Variants in CMSS1 observed in about 807,000 individuals in gnomAD.
The protein encoded by CMSS1 is cms1 ribosomal small subunit homolog, also known as protein CMSS1.
Under a neutral mutation model 43.5 loss-of-function variants are expected in CMSS1, and 33 were observed. That is an observed-to-expected ratio of 0.76 (90% CI 0.57 to 1.01). The LOEUF (loss-of-function observed/expected upper bound fraction) is 1.01, where lower values mean the gene tolerates loss of function less well. CMSS1 is among the 50% of genes least tolerant of loss of function. The pLI, the probability that CMSS1 is intolerant of heterozygous loss-of-function variation, is 0.00. For missense variants in CMSS1, 313 were observed against 326.4 expected (o/e 0.96, Z 0.32); for synonymous variants, 115 against 117.2 (o/e 0.98, Z 0.12).
At chr3:99,866,497 A>G (rs1048823597) in intron 1 of CMSS1, among the ~76,000 whole-genome samples, 2 of 152,202 alleles carry the variant, frequency 1.3e-5, no homozygotes, top group Non-Finnish European at 2.9e-5. Flanking sequence ...CAGCCTGAAG[A>G]GTATAAAATG....
intron 1 of CMSS1, among the ~76,000 whole-genome samples, chr3:99,922,714 C>T (rs376661114): frequency 2.0e-5 from 3 of 152,232 alleles, no homozygotes; most frequent in South Asian, 4.2e-4. Context: ...CATATGGATG[C>T]TTATACTGTC....
intron 1 of CMSS1, among the ~76,000 whole-genome samples, chr3:100,043,777 TC>T (rs56688172): frequency 0.01 from 1,536 of 152,350 alleles, 24 homozygotes; most frequent in African/African-American, 0.035. Context: ...AGTTAACATA[TC>T]CATCACCTCA....
At chr3:99,967,400 G>A (rs963112924) in intron 1 of CMSS1, among the ~76,000 whole-genome samples, 1 of 152,182 alleles carries the variant, frequency 6.6e-6, no homozygotes, top group Non-Finnish European at 1.5e-5. Context: ...GTAAATAGAA[G>A]TGTTCACTTT....
chr3:99,825,580 G>C (rs1942521059), intron 1 of CMSS1, among the ~76,000 whole-genome samples: 3 of 152,114 alleles, frequency 2.0e-5, no homozygotes, highest in Admixed American at 6.5e-5. Context: ...AACATTTAAA[G>C]GTGGAAATTT....
chr3:99,991,683 T>C (rs1709514386), intron 1 of CMSS1, among the ~76,000 whole-genome samples: 1 of 152,024 alleles, frequency 6.6e-6, no homozygotes, highest in South Asian at 2.1e-4. Context: ...TAGCTCCCAC[T>C]TATAGGTGAG....
intron 1 of CMSS1, among the ~76,000 whole-genome samples, chr3:100,081,060 C>A (rs1160506479): frequency 1.3e-5 from 2 of 152,178 alleles, no homozygotes; most frequent in Non-Finnish European, 2.9e-5. Context: ...TAGACACTCT[C>A]AACAGCCAAT....
chr3:99,821,761 G>A (rs1367719712), intron 1 of CMSS1, among the ~76,000 whole-genome samples: 1 of 152,092 alleles, frequency 6.6e-6, no homozygotes, highest in Non-Finnish European at 1.5e-5. Flanking sequence ...AAGGGATTCT[G>A]CAGTTGAAAA....
chr3:100,037,929 A>T (rs1173953209), intron 1 of CMSS1, among the ~76,000 whole-genome samples: 1 of 147,616 alleles, frequency 6.8e-6, no homozygotes, highest in African/African-American at 2.5e-5. Context: ...TTTCCTTTTT[A>T]ATCGCTTTTC....
intron 6 of CMSS1, among the ~76,000 whole-genome samples, chr3:100,170,663 G>T (rs2067102780): frequency 6.6e-6 from 1 of 152,252 alleles, no homozygotes; most frequent in African/African-American, 2.4e-5. Context: ...ATAATGTTAT[G>T]TGGCTGTTTA....
At chr3:99,825,775 C>CTTTTTTT (rs897686337) in intron 1 of CMSS1, among the ~76,000 whole-genome samples, 134 of 121,522 alleles carry the variant, frequency 1.1e-3, no homozygotes, top group Non-Finnish European at 1.3e-3. Flanking sequence ...TTTTCTTTTT[C>CTTTTTTT]TTTTTTTTTT....
intron 1 of CMSS1, among the ~76,000 whole-genome samples, chr3:99,827,720 C>T (rs1398592201): frequency 6.6e-6 from 1 of 152,154 alleles, no homozygotes; most frequent in Non-Finnish European, 1.5e-5. Flanking sequence ...ATTCTTCTGC[C>T]TCAGCCTCCG....
intron 1 of CMSS1, chr3:100,025,325 A>G (rs1227606328): frequency 1.3e-5 from 2 of 152,162 alleles, no homozygotes; most frequent in African/African-American, 2.4e-5. Context: ...TTAGGTTTGT[A>G]TTTATTTGAT....
chr3:100,004,655 G>A (rs1428864775), intron 1 of CMSS1, among the ~76,000 whole-genome samples: 1 of 152,184 alleles, frequency 6.6e-6, no homozygotes, highest in South Asian at 2.1e-4. Context: ...AAAAGAGGAC[G>A]GCTTCATGAA....
intron 1 of CMSS1, among the ~76,000 whole-genome samples, chr3:99,933,510 A>T (rs915163057): frequency 1.3e-5 from 2 of 152,174 alleles, no homozygotes; most frequent in African/African-American, 4.8e-5. Context: ...TGTGCTTTAT[A>T]AAAAACATTC....
intron 1 of CMSS1, among the ~76,000 whole-genome samples, chr3:99,980,450 A>G (rs966675972): frequency 6.6e-6 from 1 of 152,228 alleles, no homozygotes; most frequent in Non-Finnish European, 1.5e-5. Context: ...GCAGTTCCTC[A>G]TAACCAGCAC....
At chr3:100,167,172 C>T (rs2067072505) in intron 5 of CMSS1, among the ~76,000 whole-genome samples, 1 of 152,248 alleles carries the variant, frequency 6.6e-6, no homozygotes, top group South Asian at 2.1e-4. Context: ...AAACTACAAG[C>T]AATTCTGATG....
At chr3:99,873,694 C>T (rs1047510907) in intron 1 of CMSS1, among the ~76,000 whole-genome samples, 3 of 151,902 alleles carry the variant, frequency 2.0e-5, no homozygotes, top group Admixed American at 2.0e-4. Flanking sequence ...AGCAGAGAAC[C>T]CTTAAACAAA....
rs556467881 is a variant in CMSS1, at chr3:100,141,859, A to C, written c.65-5114A>C. ...CTGGCTGAATCAACCACTGGGACTGAGTGGCACAGGCCCAGCTTAGCCTCC... is the reference window on the plus strand; with the variant it reads ...CTGGCTGAATCAACCACTGGGACTGCGTGGCACAGGCCCAGCTTAGCCTCC... On this transcript the variant is annotated intron_variant, in intron 1 of 9. Coordinates refer to ENST00000421999, the MANE Select transcript of CMSS1 (RefSeq NM_032359.4). Among the ~76,000 whole-genome samples the C allele has an allele frequency of 1.3e-4, 20 of 152,286 alleles. No individual in the cohort carries two copies. The East Asian group carries it at 3.7e-3, about 28-fold the overall frequency.
intron 1 of CMSS1, among the ~76,000 whole-genome samples, chr3:99,824,434 C>T (rs1189311639): frequency 6.6e-6 from 1 of 152,214 alleles, no homozygotes; most frequent in East Asian, 1.9e-4. Flanking sequence ...CAGCAGTAGA[C>T]TGTAAGAGCT....
Sources: gnomAD v4.1 joint callset for allele counts (sites outside exome capture counted in the v4.1 genomes callset) on GRCh38, gnomAD v4.1.1 for gene constraint, MANE v1.5 for transcripts, NCBI Gene and HGNC (gene_info 2026-07-23, HGNC 2026-07-21) for gene names.